The following SAMD5 variants were observed in gnomAD, a reference collection of about 807,000 sequenced individuals.
SAMD5 encodes sterile alpha motif domain-containing protein 5.
In SAMD5, 13 loss-of-function variants were observed where a neutral mutation model predicts 11.3. That is an observed-to-expected ratio of 1.15 (90% CI 0.75 to 1.83). The LOEUF (loss-of-function observed/expected upper bound fraction) is 1.83. SAMD5 is among the 40% of genes most tolerant of loss of function. SAMD5 has a pLI of 0.00. For synonymous variants in SAMD5, 129 were observed against 111.3 expected (o/e 1.16, Z -1.00); for missense variants, 255 against 239.1 (o/e 1.07, Z -0.44).
chr6:147,665,970 A>G (rs1022883111), intron 1 of SAMD5, among the ~76,000 whole-genome samples: 1 of 152,020 alleles, frequency 6.6e-6, no homozygotes, highest in Non-Finnish European at 1.5e-5. Context: ...ACAGGGTCTC[A>G]CTCTGTTGCC....
At chr6:147,952,808 C>A in the SAMD5 span, among the ~76,000 whole-genome samples, 1 of 152,226 alleles carries the variant, frequency 6.6e-6, no homozygotes, top group Non-Finnish European at 1.5e-5. Context: ...GCCACCGCAC[C>A]CGGCCCTTTT....
At chr6:147,635,035 G>C (rs1366132176) in intron 1 of SAMD5, among the ~76,000 whole-genome samples, 2 of 152,196 alleles carry the variant, frequency 1.3e-5, no homozygotes, top group South Asian at 2.1e-4. Context: ...GTTTGAGTAA[G>C]AGCCAAAATG....
At chr6:147,890,541 T>C in the SAMD5 span, among the ~76,000 whole-genome samples, 2 of 152,004 alleles carry the variant, frequency 1.3e-5, no homozygotes, top group Non-Finnish European at 2.9e-5. Context: ...GTATTTTTAG[T>C]AGAAACAGGG....
the SAMD5 span, among the ~76,000 whole-genome samples, chr6:147,779,215 A>G: frequency 6.6e-6 from 1 of 152,086 alleles, no homozygotes; most frequent in Admixed American, 6.6e-5. Context: ...TATAGAATCC[A>G]TTTTTGTTGA....
At chr6:147,564,190 A>G (rs1183281042) in intron 1 of SAMD5, among the ~76,000 whole-genome samples, 1 of 152,208 alleles carries the variant, frequency 6.6e-6, no homozygotes, top group African/African-American at 2.4e-5. Context: ...CTTGACAAGG[A>G]TAAAATGCAT....
At chr6:147,925,401 C>T in the SAMD5 span, among the ~76,000 whole-genome samples, 3 of 152,132 alleles carry the variant, frequency 2.0e-5, no homozygotes, top group African/African-American at 4.8e-5. Flanking sequence ...CAGTCTATGG[C>T]ATTCTGTTAC....
chr6:147,642,822 G>A (rs964731752), intron 1 of SAMD5, among the ~76,000 whole-genome samples: 2 of 152,094 alleles, frequency 1.3e-5, no homozygotes, highest in African/African-American at 4.8e-5. Flanking sequence ...CCTACCTACT[G>A]CCTCTATGGG....
At chr6:147,708,149 T>C (rs531028376) in intron 1 of SAMD5, among the ~76,000 whole-genome samples, 1 of 152,290 alleles carries the variant, frequency 6.6e-6, no homozygotes, top group East Asian at 1.9e-4. Flanking sequence ...ATGGTCTTTA[T>C]GGAGGGTACT....
At chr6:147,771,027 A>T in the SAMD5 span, among the ~76,000 whole-genome samples, 1 of 152,220 alleles carries the variant, frequency 6.6e-6, no homozygotes, top group African/African-American at 2.4e-5. Context: ...ACAACTATTT[A>T]TAAGTAGCAG....
intron 1 of SAMD5, among the ~76,000 whole-genome samples, chr6:147,648,610 A>T (rs1790438061): frequency 6.6e-6 from 1 of 152,258 alleles, no homozygotes; most frequent in Admixed American, 6.5e-5. Context: ...TGCTAGAAAT[A>T]GAAAACTCTG....
intron 1 of SAMD5, among the ~76,000 whole-genome samples, chr6:147,703,199 C>G (rs1374865996): frequency 6.6e-6 from 1 of 152,126 alleles, no homozygotes; most frequent in Admixed American, 6.5e-5. Context: ...TCCCGAGTAG[C>G]TAGGATTACA....
At chr6:147,799,670 A>C in the SAMD5 span, among the ~76,000 whole-genome samples, 2 of 151,332 alleles carry the variant, frequency 1.3e-5, no homozygotes, top group Non-Finnish European at 2.9e-5. Context: ...GTGTTTTCCA[A>C]CTTGGTTCCA....
At chr6:147,702,193 C>T (rs1017633928) in intron 1 of SAMD5, among the ~76,000 whole-genome samples, 30 of 152,162 alleles carry the variant, frequency 2.0e-4, no homozygotes, top group African/African-American at 7.2e-4. Flanking sequence ...TCTTGTGAGA[C>T]TTATTCACTG....
At chr6:147,635,975 A>G (rs1006601933) in intron 1 of SAMD5, among the ~76,000 whole-genome samples, 2 of 152,326 alleles carry the variant, frequency 1.3e-5, no homozygotes, top group Admixed American at 1.3e-4. Context: ...TATCTATTAC[A>G]ATAGGATCTC....
the SAMD5 span, among the ~76,000 whole-genome samples, chr6:147,913,841 G>A: frequency 3.3e-5 from 5 of 152,218 alleles, no homozygotes; most frequent in East Asian, 1.9e-4. Flanking sequence ...ATTCACATAC[G>A]TGTGTGCATG....
the SAMD5 span, among the ~76,000 whole-genome samples, chr6:147,845,059 T>C: frequency 6.6e-6 from 1 of 152,206 alleles, no homozygotes; most frequent in African/African-American, 2.4e-5. Flanking sequence ...GATTTGATTA[T>C]TCCGCATTGT....
the SAMD5 span, among the ~76,000 whole-genome samples, chr6:147,749,676 GA>G: frequency 3.9e-5 from 6 of 152,300 alleles, no homozygotes; most frequent in African/African-American, 1.4e-4. Flanking sequence ...GAAGCCAGAG[GA>G]ACCTTGAGTT....
chr6:147,696,463 C>T (rs142566788), intron 1 of SAMD5, among the ~76,000 whole-genome samples: 95 of 152,250 alleles, frequency 6.2e-4, no homozygotes, highest in African/African-American at 2.2e-3. Context: ...CTTCTGCTAC[C>T]CAGGCCTCCC....
intron 1 of SAMD5, among the ~76,000 whole-genome samples, chr6:147,689,653 A>G (rs895465732): frequency 2.0e-5 from 3 of 152,224 alleles, no homozygotes; most frequent in Admixed American, 6.5e-5. Context: ...AATGGCAGCA[A>G]TGTGATTTTG....
Sources: gnomAD v4.1 joint callset for allele counts (sites outside exome capture counted in the v4.1 genomes callset) on GRCh38, gnomAD v4.1.1 for gene constraint, MANE v1.5 for transcripts, NCBI Gene and HGNC (gene_info 2026-07-23, HGNC 2026-07-21) for gene names.